The following MYRIP variants were observed in gnomAD, a reference collection of about 807,000 sequenced individuals.
MYRIP encodes the protein rab effector MyRIP.
A neutral mutation model predicts 98.0 loss-of-function variants in MYRIP; 49 were observed. The ratio of observed to expected loss-of-function variants is 0.50; its 90% CI spans 0.40 to 0.63. The LOEUF is 0.63. Among genes scored for constraint, MYRIP ranks in the 30% least tolerant of loss-of-function variants. The pLI, the probability that MYRIP is intolerant of heterozygous loss-of-function variation, is 0.00. For missense variants in MYRIP, 1,004 were observed against 1,058.2 expected (o/e 0.95, Z 0.71); for synonymous variants, 404 against 409.5 (o/e 0.99, Z 0.16).
chr3:40,236,610 G>C (rs1952832352), intron 12 of MYRIP, among the ~76,000 whole-genome samples: 2 of 152,218 alleles, frequency 1.3e-5, no homozygotes, highest in African/African-American at 4.8e-5. Flanking sequence ...TGATCACTGA[G>C]TATTTCAGGA....
chr3:40,166,111 G>T (rs1257934514), intron 5 of MYRIP, among the ~76,000 whole-genome samples: 1 of 152,156 alleles, frequency 6.6e-6, no homozygotes, highest in Non-Finnish European at 1.5e-5. Context: ...GAGCTCTGAG[G>T]TTGGCCAGTG....
intron 3 of MYRIP, among the ~76,000 whole-genome samples, chr3:40,130,413 T>C (rs1224469144): frequency 6.6e-6 from 1 of 150,558 alleles, no homozygotes; most frequent in African/African-American, 2.5e-5. Flanking sequence ...AGTCTCGCTC[T>C]GTGGCCCAGG....
At chr3:40,034,991 C>T (rs1415971359) in intron 2 of MYRIP, among the ~76,000 whole-genome samples, 2 of 145,684 alleles carry the variant, frequency 1.4e-5, no homozygotes, top group Non-Finnish European at 3.0e-5. Flanking sequence ...CCAAACACCG[C>T]ATGTTCTCAC....
At chr3:39,969,217 GT>G (rs1409456045) in intron 2 of MYRIP, among the ~76,000 whole-genome samples, 1 of 152,116 alleles carries the variant, frequency 6.6e-6, no homozygotes, top group Non-Finnish European at 1.5e-5. Context: ...GGCTGGAGGA[GT>G]TTTGGGGCCG....
At chr3:39,860,116 C>A (rs1416322879) in intron 1 of MYRIP, among the ~76,000 whole-genome samples, 2 of 152,156 alleles carry the variant, frequency 1.3e-5, no homozygotes, top group Non-Finnish European at 2.9e-5. Flanking sequence ...AAAGACTCCA[C>A]ACACACATAC....
Position 39,887,792 on chromosome 3 carries a change from C to T in MYRIP, c.-30-12995C>T, listed in dbSNP as rs552618650. Among the ~76,000 whole-genome samples the T allele has an allele frequency of 2.6e-3, 399 of 152,120 alleles. 2 individuals are homozygous for T. Among genetic ancestry groups the T allele is most frequent in the African/African-American group, 9.2e-3 (380 of 41,496 alleles). ...ATCTAGAGAACCCCATTGTCTCAGC[C>T]GAAAATCTCCTTAAGCTGATAAACA... On this transcript the variant is annotated intron_variant, in intron 1 of 16. Coordinates refer to ENST00000302541, the MANE Select transcript of MYRIP (RefSeq NM_015460.4).
chr3:40,072,270 A>G (rs946630346), intron 3 of MYRIP, among the ~76,000 whole-genome samples: 1 of 152,048 alleles, frequency 6.6e-6, no homozygotes. Context: ...GTGCAGTGGC[A>G]TGATCTTGGC....
intron 3 of MYRIP, among the ~76,000 whole-genome samples, chr3:40,134,245 C>G (rs11713365): frequency 1.7e-4 from 26 of 152,142 alleles, no homozygotes; most frequent in African/African-American, 6.0e-4. Flanking sequence ...TATCCCGCAC[C>G]TGGCTCGGAG....
chr3:39,880,022 G>A (rs529126824), intron 1 of MYRIP, among the ~76,000 whole-genome samples: 70 of 152,066 alleles, frequency 4.6e-4, no homozygotes, highest in African/African-American at 1.7e-3. Flanking sequence ...CTTACCCAGT[G>A]CATATGGTTC....
intron 1 of MYRIP, among the ~76,000 whole-genome samples, chr3:39,829,912 C>G (rs185324947): frequency 6.6e-6 from 1 of 152,254 alleles, no homozygotes; most frequent in Admixed American, 6.5e-5. Flanking sequence ...CCTCTCAGTT[C>G]TTTACCTTTT....
chr3:40,133,036 C>G (rs1949679830), intron 3 of MYRIP, among the ~76,000 whole-genome samples: 1 of 152,262 alleles, frequency 6.6e-6, no homozygotes, highest in Non-Finnish European at 1.5e-5. Context: ...GGTCAGAGAT[C>G]TCTGTGGACA....
At chr3:40,048,287 C>T (rs1947712687) in intron 3 of MYRIP, among the ~76,000 whole-genome samples, 1 of 152,100 alleles carries the variant, frequency 6.6e-6, no homozygotes, top group South Asian at 2.1e-4. Flanking sequence ...GCATTCCTTT[C>T]CTTATTTAAA....
At chr3:40,147,229 TTAAC>T (rs1313177397) in intron 3 of MYRIP, among the ~76,000 whole-genome samples, 1 of 152,152 alleles carries the variant, frequency 6.6e-6, no homozygotes, top group Non-Finnish European at 1.5e-5. Context: ...CTCTATGACT[TTAAC>T]TAGCATATTG....
At chr3:39,899,505 A>G (rs1943694689) in intron 1 of MYRIP, among the ~76,000 whole-genome samples, 1 of 152,150 alleles carries the variant, frequency 6.6e-6, no homozygotes, top group African/African-American at 2.4e-5. Flanking sequence ...TTTATAGGTC[A>G]ATGATCCAAA....
chr3:40,250,416 T>G (rs1205409855), intron 14 of MYRIP, 23 bp from the exon 15 acceptor site: 2 of 1,614,036 alleles, frequency 1.2e-6, no homozygotes, highest in Non-Finnish European at 1.7e-6. Flanking sequence ...AAAGGTATAT[T>G]GCTCATTGTG....
chr3:40,205,223 G>A (rs144548632), intron 10 of MYRIP, among the ~76,000 whole-genome samples: 125 of 152,210 alleles, frequency 8.2e-4, no homozygotes, highest in Middle Eastern at 3.4e-3. Flanking sequence ...TCAATAGAAG[G>A]AGAAGTGAAA....
At chr3:40,182,196 C>A in intron 8 of MYRIP, 24 bp from the exon 9 acceptor site, 1 of 1,587,590 alleles carries the variant, frequency 6.3e-7, no homozygotes, top group Non-Finnish European at 8.6e-7. Flanking sequence ...TGAGCTCACC[C>A]CTTCCCCTCT....
rs151333324 is a variant in MYRIP at position 40,218,726 on chromosome 3, T to C, written c.1905+8633T>C. Among the ~76,000 whole-genome samples, 458 of 148,956 alleles carry C rather than the reference T, an allele frequency of 3.1e-3. 5 individuals carry two copies. The highest frequency in any genetic ancestry group is 0.011 in the African/African-American group (447 of 40,204). On this transcript the variant is annotated intron_variant, in intron 11 of 16. Transcript: ENST00000302541. Reference sequence around the variant, plus strand: ...TGTATGAAACTCATCTGAATAAAATTAACTAGTTTTGCTAGGAGACATAAA... The same window carrying C: ...TGTATGAAACTCATCTGAATAAAATCAACTAGTTTTGCTAGGAGACATAAA...
chr3:40,125,092 G>A (rs1410714890), intron 3 of MYRIP, among the ~76,000 whole-genome samples: 1 of 152,192 alleles, frequency 6.6e-6, no homozygotes, highest in African/African-American at 2.4e-5. Context: ...ATTAGAACCA[G>A]GCCTGACACT....
Sources: gnomAD v4.1 joint callset for allele counts (sites outside exome capture counted in the v4.1 genomes callset) on GRCh38, gnomAD v4.1.1 for gene constraint, MANE v1.5 for transcripts, NCBI Gene and HGNC (gene_info 2026-07-23, HGNC 2026-07-21) for gene names.